The following SNX31 variants were observed in gnomAD, a reference collection of about 807,000 sequenced individuals.
The protein encoded by SNX31 is sorting nexin-31.
In SNX31, 58 loss-of-function variants were observed where a neutral mutation model predicts 65.4. That is an observed-to-expected ratio of 0.89 (90% CI 0.72 to 1.10). The LOEUF is 1.10. Among genes scored for constraint, SNX31 ranks in the 50% least tolerant of loss-of-function variants. SNX31 has a pLI of 0.00. For synonymous variants in SNX31, 181 were observed against 190.1 expected, an observed-to-expected ratio of 0.95 and a Z score of 0.39; for missense variants, 523 against 529.7, an observed-to-expected ratio of 0.99 and a Z score of 0.12.
chr8:100,594,370 AAG>A lies in SNX31; in HGVS notation c.978+2267_978+2268del, dbSNP rs1446152653. On this transcript the variant is annotated intron_variant, in intron 10 of 13. Transcript: ENST00000311812. The surrounding 1 kb of genome is among the most constrained non-coding windows in gnomAD (Gnocchi z 4.0). ...AACAACAAAACCGAAACTATAGAGT[AAG>A]AGAAAATATTTGGAAACCAGATGGC... is the stretch of plus-strand genomic sequence containing the variant. Among the ~76,000 whole-genome samples the A allele has an allele frequency of 1.3e-5, 2 of 152,188 alleles. No individual in the cohort carries two copies. Among genetic ancestry groups the A allele is most frequent in the Non-Finnish European group, 2.9e-5 (2 of 68,028 alleles).
rs1211802024 is a variant in SNX31, at chr8:100,660,556, G to A, written c.-58+2586C>T. ...CAGGTCCTGCAATGTCACTCAGCAC[G>A]GGGCTCTAACTCAAGTGGCAGGCGT... On this transcript the variant is annotated intron_variant, in intron 1 of 5. Coordinates refer to the SNX31 transcript ENST00000520352. This position sits in a 1 kb window ranked among gnomAD's most constrained non-coding sequence, Gnocchi z 4.1. Among the ~76,000 whole-genome samples the A allele has an allele frequency of 2.0e-5, 3 of 152,142 alleles. No homozygotes were observed. Among genetic ancestry groups the A allele is most frequent in the South Asian group, 2.1e-4 (1 of 4,836 alleles).
At chr8:100,645,715 G>A (rs186073965) in intron 2 of SNX31, among the ~76,000 whole-genome samples, 3 of 149,070 alleles carry the variant, frequency 2.0e-5, no homozygotes, top group Admixed American at 1.4e-4. Context: ...AGGCTCAAGC[G>A]ATCCTCCCAC....
intron 2 of SNX31, among the ~76,000 whole-genome samples, chr8:100,639,266 G>C (rs919534172): frequency 6.6e-6 from 1 of 152,196 alleles, no homozygotes; most frequent in African/African-American, 2.4e-5. Flanking sequence ...TGTAGAATGT[G>C]ATAAAACTAT....
rs756616567 is a variant in SNX31 at position 100,660,385 on chromosome 8, C to A, written c.-58+2757G>T. 6.6e-6 allele frequency among the ~76,000 whole-genome samples: 1 copy of A among 152,190 alleles called. No homozygotes were observed. The highest frequency in any genetic ancestry group is 1.5e-5 in the Non-Finnish European group (1 of 68,042). ...CTCTCTAAGCCTAAACTCTTTGCAG[C>A]AATTTTTATTATTTATTTTAAATTT... is the stretch of plus-strand genomic sequence containing the variant. On this transcript the variant is annotated intron_variant, in intron 1 of 5. Transcript: ENST00000520352. This position sits in a 1 kb window ranked among gnomAD's most constrained non-coding sequence, Gnocchi z 4.1.
rs1276076898 is a variant in SNX31, at chr8:100,578,285, A to G, written c.1171-1210T>C. On this transcript the variant is annotated intron_variant, in intron 12 of 13. Coordinates refer to ENST00000311812, the MANE Select transcript of SNX31 (RefSeq NM_152628.4). This position sits in a 1 kb window ranked among gnomAD's most constrained non-coding sequence, Gnocchi z 4.7. ...ACTCTTCTTAATGGGAAAGAAAAGA[A>G]CTGCTATGTGCGTTAGGTACATAAC... is the stretch of plus-strand genomic sequence containing the variant. Among the ~76,000 whole-genome samples the G allele has an allele frequency of 1.3e-5, 2 of 152,180 alleles. No homozygotes were observed. The highest frequency in any genetic ancestry group is 1.5e-5 in the Non-Finnish European group (1 of 68,030).
intron 4 of SNX31, among the ~76,000 whole-genome samples, chr8:100,627,348 A>G (rs7839550): frequency 0.61 from 93,222 of 152,018 alleles, 31,398 homozygotes; most frequent in African/African-American, 0.9. Context: ...GCAAAACTCC[A>G]TCTCAAAAAC....
intron 4 of SNX31, among the ~76,000 whole-genome samples, chr8:100,621,122 C>A: frequency 6.6e-6 from 1 of 151,946 alleles, no homozygotes. Flanking sequence ...CCAGCCTGGG[C>A]GACAGAGCAA....
At chr8:100,659,905 T>C (rs186088714) in intron 1 of SNX31, among the ~76,000 whole-genome samples, 5 of 152,328 alleles carry the variant, frequency 3.3e-5, no homozygotes, top group Non-Finnish European at 7.3e-5. Flanking sequence ...TTTTTCTCCT[T>C]ATTCTGCTTT....
intron 12 of SNX31, among the ~76,000 whole-genome samples, chr8:100,579,823 A>G (rs553998572): frequency 6.6e-6 from 1 of 152,314 alleles, no homozygotes; most frequent in Non-Finnish European, 1.5e-5. Context: ...TTTAAGAAAA[A>G]CAAAGGGAAA....
At chr8:100,615,839 G>C (rs370146569) in intron 5 of SNX31, among the ~76,000 whole-genome samples, 3 of 152,086 alleles carry the variant, frequency 2.0e-5, no homozygotes, top group African/African-American at 7.2e-5. Context: ...GCGCGATCTC[G>C]GCTCACTGCA....
Position 100,610,816 on chromosome 8 carries a change from C to G in SNX31, c.611+1184G>C, listed in dbSNP as rs1457588396. Among the ~76,000 whole-genome samples the G allele has an allele frequency of 6.6e-6, 1 of 152,218 alleles. No homozygotes were observed. The highest frequency in any genetic ancestry group is 1.5e-5 in the Non-Finnish European group (1 of 68,046). ...TCCTTCCACAATTCAAAGCCACAAA[C>G]TGGAGCTCTAGAGCAAGGCATCACA... is the stretch of plus-strand genomic sequence containing the variant. On this transcript the variant is annotated intron_variant, in intron 7 of 13. Transcript: ENST00000311812. The surrounding 1 kb of genome is among the most constrained non-coding windows in gnomAD (Gnocchi z 4.0).
chr8:100,637,229 T>C (rs1161317406), intron 2 of SNX31, among the ~76,000 whole-genome samples: 1 of 152,192 alleles, frequency 6.6e-6, no homozygotes, highest in Non-Finnish European at 1.5e-5. Context: ...AATGTGCATC[T>C]TTATTCCAGC....
chr8:100,608,023 T>C (rs1432724668), intron 8 of SNX31, among the ~76,000 whole-genome samples: 1 of 152,210 alleles, frequency 6.6e-6, no homozygotes, highest in Non-Finnish European at 1.5e-5. Flanking sequence ...CGTGTGACTT[T>C]AAGTTATCAG....
chr8:100,631,562 C>T (rs1303421092), intron 3 of SNX31, among the ~76,000 whole-genome samples: 1 of 151,720 alleles, frequency 6.6e-6, no homozygotes, highest in Non-Finnish European at 1.5e-5. Context: ...CTCAGTCTCT[C>T]AAGTTTTTGG....
rs116109064 is a variant in SNX31 at position 100,600,517 on chromosome 8, G to A, written c.682-76C>T. The A allele has an allele frequency of 1.3e-3, 1,617 of 1,227,808 alleles. 28 individuals carry two copies. The African/African-American group carries it at 0.023, about 17-fold the overall frequency. 76.1% of individuals were successfully genotyped at this position (1,227,808 alleles called of 1,614,324 possible). On this transcript the variant is annotated intron_variant, in intron 8 of 13. Transcript: ENST00000311812. Reference sequence around the variant, plus strand: ...ATCTGACAAAAACATACTCTTGTATGAAGGGATATAAAAACAAACCCAAGT... The same window carrying A: ...ATCTGACAAAAACATACTCTTGTATAAAGGGATATAAAAACAAACCCAAGT...
chr8:100,587,093 C>T (rs912938950), intron 11 of SNX31, among the ~76,000 whole-genome samples: 68 of 152,172 alleles, frequency 4.5e-4, no homozygotes, highest in Non-Finnish European at 7.9e-4. Context: ...ATAACATGCT[C>T]AGCCCCAGGC....
chr8:100,637,948 G>A (rs1818894194), intron 2 of SNX31, among the ~76,000 whole-genome samples: 1 of 152,100 alleles, frequency 6.6e-6, no homozygotes, highest in East Asian at 1.9e-4. Flanking sequence ...TGGCTGCCTC[G>A]GCCTCCCAAA....
rs1391476806 is a variant in SNX31 at position 100,608,465 on chromosome 8, G to T, written c.681+29C>A. 1.9e-6 allele frequency: 3 copies of T among 1,609,758 alleles called. No homozygotes were observed. The Admixed American group carries it at 5.0e-5, about 27-fold the overall frequency. On this transcript the variant is annotated intron_variant, in intron 8 of 13. Transcript: ENST00000311812. ...AAGCCAACATGGCCTATGATCTACG[G>T]TGCTGTCTGAGCTCTTGGTGACCCT...
At position 100,660,626 on chromosome 8, in the gene SNX31, C is replaced by T. The variant is rs1294905479; in HGVS notation, c.-58+2516G>A. On this transcript the variant is annotated intron_variant, in intron 1 of 5. Coordinates refer to the SNX31 transcript ENST00000520352. The surrounding 1 kb of genome is among the most constrained non-coding windows in gnomAD (Gnocchi z 4.1). ...GGTTCTGTAGGGGTCAAACTTGATG[C>T]CCAGAAAGTTCCTATATTCAGCCTT... Among the ~76,000 whole-genome samples the T allele has an allele frequency of 1.3e-5, 2 of 152,166 alleles. No homozygotes were observed. The highest frequency in any genetic ancestry group is 3.9e-4 in the East Asian group (2 of 5,186).
Sources: gnomAD v4.1 joint callset for allele counts (sites outside exome capture counted in the v4.1 genomes callset) on GRCh38, gnomAD v4.1.1 for gene constraint, Gnocchi (gnomAD v3.1) non-coding constraint, MANE v1.5 for transcripts, NCBI Gene and HGNC (gene_info 2026-07-23, HGNC 2026-07-21) for gene names.